Variants in KAZN observed in about 807,000 individuals in gnomAD.
KAZN encodes kazrin, periplakin interacting protein, also known as kazrin.
A neutral mutation model predicts 87.4 loss-of-function variants in KAZN; 40 were observed. That is an observed-to-expected ratio of 0.46 (90% CI 0.36 to 0.60). KAZN has a LOEUF of 0.60. Among genes scored for constraint, KAZN ranks in the 20% least tolerant of loss-of-function variants. The probability of loss-of-function intolerance (pLI) is 0.00; values close to 1 mark genes in which losing one functional copy is unlikely to be tolerated. For synonymous variants in KAZN, 466 were observed against 458.3 expected (o/e 1.02, Z -0.22); for missense variants, 898 against 1,073.9 (o/e 0.84, Z 2.29).
intron 1 of KAZN, among the ~76,000 whole-genome samples, chr1:14,869,655 G>A (rs1299074197): frequency 6.6e-6 from 1 of 152,186 alleles, no homozygotes; most frequent in Non-Finnish European, 1.5e-5. Flanking sequence ...TTGGGTTCGA[G>A]GGGTTGAAAG....
At chr1:14,030,520 TG>T (rs1641275807) in intron 1 of KAZN, among the ~76,000 whole-genome samples, 1 of 151,986 alleles carries the variant, frequency 6.6e-6, no homozygotes, top group African/African-American at 2.4e-5. Flanking sequence ...GCATGGCACA[TG>T]TATACATATG....
intron 1 of KAZN, among the ~76,000 whole-genome samples, chr1:14,943,021 T>G (rs1420247116): frequency 1.6e-4 from 19 of 117,140 alleles, no homozygotes; most frequent in African/African-American, 5.3e-4. Flanking sequence ...TGTGTGTGTG[T>G]GTGTGTGTGT....
chr1:14,999,835 G>C (rs542560220), intron 2 of KAZN, among the ~76,000 whole-genome samples: 73 of 152,332 alleles, frequency 4.8e-4, no homozygotes, highest in African/African-American at 1.7e-3. Context: ...TGCTCCAGTT[G>C]AATGCAGGAC....
At position 14,929,860 on chromosome 1, in the gene KAZN, C is replaced by T. The variant is rs1027280175; in HGVS notation, c.227-30824C>T. The T allele has an allele frequency of 3.3e-5, 33 of 985,316 alleles. No homozygotes were observed. The East Asian group carries it at 7.9e-4, about 24-fold the overall frequency. 61.0% of individuals were successfully genotyped at this position (985,316 alleles called of 1,614,324 possible). On this transcript the variant is annotated intron_variant, in intron 1 of 14. Coordinates refer to ENST00000376030, the MANE Select transcript of KAZN (RefSeq NM_201628.3). ...AGGACAACCTCTGTCTCCCTTGTGG[C>T]GGCTTCTATGAAGGTGGGGACTCCA...
At chr1:14,323,437 A>T (rs1223531741) in intron 2 of KAZN, among the ~76,000 whole-genome samples, 1 of 152,134 alleles carries the variant, frequency 6.6e-6, no homozygotes, top group Non-Finnish European at 1.5e-5. Context: ...CTCTCCCCTT[A>T]GCAAAGTTTC....
In KAZN at chr1:14,728,110, A is replaced by G. The variant is rs562385539; in HGVS notation, c.226+128887A>G. Among the ~76,000 whole-genome samples, 142 of 151,472 alleles carry G rather than the reference A, an allele frequency of 9.4e-4. 1 individual carries two copies. In the Middle Eastern group the frequency reaches 0.014, roughly 15 times the overall value. On this transcript the variant is annotated intron_variant, in intron 1 of 14. Coordinates refer to ENST00000376030, the MANE Select transcript of KAZN (RefSeq NM_201628.3). Reference sequence around the variant, plus strand: ...AGACCAGCCTGGCCAACACGGTGAAACCTCGTCTCTACTAAAAATACAAAA... The same window carrying G: ...AGACCAGCCTGGCCAACACGGTGAAGCCTCGTCTCTACTAAAAATACAAAA...
At chr1:14,946,602 G>A (rs908097517) in intron 1 of KAZN, among the ~76,000 whole-genome samples, 9 of 152,154 alleles carry the variant, frequency 5.9e-5, no homozygotes, top group African/African-American at 2.2e-4. Context: ...TGTTCACTAT[G>A]GAGATCTGAA....
intron 2 of KAZN, among the ~76,000 whole-genome samples, chr1:14,459,744 G>T (rs938060991): frequency 6.6e-6 from 1 of 152,126 alleles, no homozygotes; most frequent in Non-Finnish European, 1.5e-5. Flanking sequence ...GCAAACAAGG[G>T]CCCTTGTCTA....
chr1:14,557,016 G>C (rs1268173484), intron 2 of KAZN, among the ~76,000 whole-genome samples: 3 of 152,038 alleles, frequency 2.0e-5, no homozygotes, highest in African/African-American at 7.2e-5. Context: ...AGTTTCCTGG[G>C]GATGCCTGAG....
At chr1:14,714,894 A>G (rs1324341500) in intron 1 of KAZN, among the ~76,000 whole-genome samples, 3 of 147,164 alleles carry the variant, frequency 2.0e-5, no homozygotes, top group Non-Finnish European at 4.4e-5. Flanking sequence ...TCCCAGACTC[A>G]AGTGATCCTC....
At position 14,383,746 on chromosome 1, in the gene KAZN, C is replaced by G. The variant is rs542113366; in HGVS notation, c.249+203154C>G. On this transcript the variant is annotated intron_variant, in intron 2 of 16. Transcript: ENST00000636203. ...TTGTAGTATAGTTTGAAGTCAGGTA[C>G]TGTGATGCCTCCGCCTTTGTTCTTT... Among the ~76,000 whole-genome samples, 68 of 151,780 alleles carry G rather than the reference C, an allele frequency of 4.5e-4. No homozygotes were observed. In the South Asian group the frequency reaches 0.011, roughly 24 times the overall value.
Position 14,883,341 on chromosome 1 carries a change from A to AGAGAGAAAGAAAG in KAZN, c.227-77341_227-77340insGAGAAAGAAAGGA, listed in dbSNP as rs1553150560. On this transcript the variant is annotated intron_variant, in intron 1 of 14. Transcript: ENST00000376030. ...GAAAGAGAGAGAGAGAGAGAGAGAG[A>AGAGAGAAAGAAAG]GAAAGAAAGAAAGAAAAGAAAGAAA... 1.0e-4 allele frequency among the ~76,000 whole-genome samples: 3 copies of AGAGAGAAAGAAAG among 29,510 alleles called. 1 individual carries two copies. Among genetic ancestry groups the AGAGAGAAAGAAAG allele is most frequent in the African/African-American group, 2.7e-4 (3 of 11,170 alleles). The allele number at this position is 29,510 out of a possible 152,430, so 19.4% of individuals were successfully genotyped here.
At chr1:15,108,355 G>A (rs924035183) in intron 13 of KAZN, among the ~76,000 whole-genome samples, 2 of 152,232 alleles carry the variant, frequency 1.3e-5, no homozygotes, top group African/African-American at 2.4e-5. Flanking sequence ...CCAGAGGCGT[G>A]GGCCTGTGTG....
At chr1:14,994,020 G>T (rs572171864) in intron 2 of KAZN, among the ~76,000 whole-genome samples, 3 of 152,194 alleles carry the variant, frequency 2.0e-5, no homozygotes, top group Non-Finnish European at 4.4e-5. Flanking sequence ...TCTTAGGCAT[G>T]GTCGCCTTTC....
At chr1:14,201,771 T>A (rs1646645131) in intron 2 of KAZN, among the ~76,000 whole-genome samples, 1 of 152,160 alleles carries the variant, frequency 6.6e-6, no homozygotes, top group Non-Finnish European at 1.5e-5. Flanking sequence ...CAGGTTGAGG[T>A]GATTCTCCTG....
chr1:14,924,571 C>T (rs1421969204), intron 1 of KAZN: 2 of 1,010,120 alleles, frequency 2.0e-6, no homozygotes, highest in African/African-American at 1.8e-5. Flanking sequence ...GCAGCCAGCC[C>T]GGTAGGTGCG....
At chr1:14,878,684 G>A (rs900162237) in intron 1 of KAZN, among the ~76,000 whole-genome samples, 5 of 152,156 alleles carry the variant, frequency 3.3e-5, no homozygotes, top group Non-Finnish European at 7.3e-5. Context: ...CTCAGCTGGA[G>A]GGAGGCAGAG....
intron 8 of KAZN, among the ~76,000 whole-genome samples, chr1:15,070,500 G>T (rs1639458193): frequency 6.6e-6 from 1 of 152,144 alleles, no homozygotes; most frequent in Non-Finnish European, 1.5e-5. Flanking sequence ...CCCAACACCT[G>T]GGGAGCTCTG....
At chr1:13,949,050 G>A (rs1641250676) in intron 1 of KAZN, among the ~76,000 whole-genome samples, 1 of 152,204 alleles carries the variant, frequency 6.6e-6, no homozygotes, top group South Asian at 2.1e-4. Flanking sequence ...TAAATGCTGA[G>A]TAAAACAGAA....
Sources: allele counts gnomAD v4.1 joint callset (sites outside exome capture counted in the v4.1 genomes callset), GRCh38; gene constraint gnomAD v4.1.1; transcripts MANE v1.5; gene names NCBI Gene and HGNC (gene_info 2026-07-23, HGNC 2026-07-21).